The following PIGN variants were observed in gnomAD, a reference collection of about 807,000 sequenced individuals.
The protein encoded by PIGN is GPI ethanolamine phosphate transferase 1.
PIGN carries 117 observed loss-of-function variants against 125.4 expected under a neutral mutation model. That is an observed-to-expected ratio of 0.93 (90% confidence interval 0.80 to 1.09). The LOEUF is 1.09. Ranked by LOEUF, PIGN falls within the 50% of genes least tolerant of loss-of-function variation. The pLI is 0.00. For synonymous variants in PIGN, 392 were observed against 377.8 expected, an observed-to-expected ratio of 1.04 and a Z score of -0.44; for missense variants, 1,075 against 1,094.9, an observed-to-expected ratio of 0.98 and a Z score of 0.26.
At chr18:62,029,310 C>A (rs2030163430) in intron 23 of PIGN, among the ~76,000 whole-genome samples, 1 of 152,176 alleles carries the variant, frequency 6.6e-6, no homozygotes, top group African/African-American at 2.4e-5. Context: ...TCCCACCAGC[C>A]TTTCTCACCA....
chr18:62,112,921 TC>T, intron 16 of PIGN: 1 of 483,194 alleles, frequency 2.1e-6, no homozygotes, highest in East Asian at 3.2e-5. Flanking sequence ...TTTATAGCTT[TC>T]TTAAGTTATA....
chr18:62,113,910 A>G (rs1568189871), intron 15 of PIGN, among the ~76,000 whole-genome samples: 1 of 152,220 alleles, frequency 6.6e-6, no homozygotes, highest in Non-Finnish European at 1.5e-5. Flanking sequence ...AAGAGTCAAA[A>G]TTTCAACATG....
intron 3 of PIGN, among the ~76,000 whole-genome samples, chr18:62,161,631 C>T (rs1352639346): frequency 6.6e-6 from 1 of 151,940 alleles, no homozygotes; most frequent in Admixed American, 6.6e-5. Context: ...GTAATTGGGA[C>T]AAATAAACTA....
At chr18:62,069,906 A>G (rs2032744483) in intron 30 of PIGN, 1 of 152,324 alleles carries the variant, frequency 6.6e-6, no homozygotes. Context: ...TCATAAACAA[A>G]ATACTGTATT....
rs752096223 is a variant in PIGN, at chr18:62,095,868, G to A, written c.2160C>T (p.Thr720=). ...LFSILLSLMS[T]YLLLSTGYEA... ...TATACCCTGTGCTTAGAAGTAGGTA[G>A]GTTGACATCAATGAAAGAAGTATGC... Residue 720 remains threonine, a synonymous_variant, in exon 23 of 31, where the codon ACC becomes ACT. Transcript: ENST00000640252. 7 of 1,608,434 alleles carry A rather than the reference G, an allele frequency of 4.4e-6. No homozygotes were observed. The South Asian group carries it at 5.5e-5, about 13-fold the overall frequency.
intron 21 of PIGN, 40 bp downstream of exon 21, chr18:62,102,754 T>C: frequency 1.1e-6 from 1 of 885,518 alleles, no homozygotes; most frequent in Non-Finnish European, 1.8e-6. Context: ...CATTTCAGTA[T>C]ATCATTAGTA....
chr18:62,088,753 T>C lies in PIGN; in HGVS notation c.2370+3A>G, dbSNP rs1015423823. 1.3e-6 allele frequency: 2 copies of C among 1,527,766 alleles called. No individual in the cohort carries two copies. The highest frequency in any genetic ancestry group is 1.4e-5 in the African/African-American group (1 of 72,888). 94.6% of individuals were successfully genotyped at this position (1,527,766 alleles called of 1,614,324 possible). A position where few individuals can be genotyped will look rare whatever the true frequency, so the allele number is the denominator to read the frequency against. ...TTTAAACCAAAGTCTCCACAAAGGA[T>C]ACAAGGAAAAAGGCCCTACGGATGT... On this transcript the variant is annotated splice_donor_region_variant and intron_variant, in intron 25 of 30. Coordinates refer to ENST00000640252, the MANE Select transcript of PIGN (RefSeq NM_176787.5).
intron 23 of PIGN, among the ~76,000 whole-genome samples, chr18:62,094,664 T>C (rs1316377422): frequency 2.0e-5 from 3 of 152,210 alleles, no homozygotes; most frequent in African/African-American, 7.2e-5. Flanking sequence ...TAACAGATGC[T>C]CATAAATTTC....
chr18:62,138,641 A>G (rs1468059237), intron 13 of PIGN, among the ~76,000 whole-genome samples: 1 of 152,214 alleles, frequency 6.6e-6, no homozygotes, highest in African/African-American at 2.4e-5. Flanking sequence ...TAAATTCTTA[A>G]GGAATCTCAT....
intron 14 of PIGN, among the ~76,000 whole-genome samples, chr18:62,125,823 T>C (rs992491405): frequency 1.3e-5 from 2 of 152,076 alleles, no homozygotes; most frequent in African/African-American, 4.8e-5. Context: ...GATGTTAAAG[T>C]TATAAAACTA....
intron 30 of PIGN, among the ~76,000 whole-genome samples, chr18:62,049,272 C>T (rs1191725949): frequency 2.6e-5 from 4 of 152,038 alleles, no homozygotes; most frequent in African/African-American, 4.8e-5. Context: ...CCTGAGGAAT[C>T]GCCACACTGA....
chr18:62,079,021 C>T (rs1050087431), intron 28 of PIGN, among the ~76,000 whole-genome samples: 1 of 152,184 alleles, frequency 6.6e-6, no homozygotes, highest in African/African-American at 2.4e-5. Context: ...TTTTCTGCCC[C>T]TGCCAACCTG....
chr18:62,181,772 G>T (rs947898704), intron 1 of PIGN, among the ~76,000 whole-genome samples: 2 of 151,966 alleles, frequency 1.3e-5, no homozygotes, highest in African/African-American at 4.8e-5. Context: ...TATCGCCCAG[G>T]CTGGAGTGCA....
chr18:62,075,870 C>T (rs1321018790), intron 28 of PIGN: 2 of 152,164 alleles, frequency 1.3e-5, no homozygotes, highest in Non-Finnish European at 2.9e-5. Context: ...TTTGGTGATG[C>T]CACTATTTGT....
intron 30 of PIGN, among the ~76,000 whole-genome samples, chr18:62,046,418 G>C (rs2030690522): frequency 6.8e-6 from 1 of 146,530 alleles, no homozygotes; most frequent in Non-Finnish European, 1.5e-5. Context: ...CCTCCTGTCA[G>C]ATCAGCGGCA....
chr18:62,139,415 C>T (rs569022119), intron 12 of PIGN, among the ~76,000 whole-genome samples: 1 of 152,266 alleles, frequency 6.6e-6, no homozygotes, highest in South Asian at 2.1e-4. Flanking sequence ...AAATAAAAGA[C>T]TTCAGACATA....
At chr18:62,132,709 T>C (rs1182196985) in intron 14 of PIGN, among the ~76,000 whole-genome samples, 1 of 152,158 alleles carries the variant, frequency 6.6e-6, no homozygotes. Flanking sequence ...AAATTCTGAT[T>C]ATGATGCTAG....
At chr18:62,132,691 A>G (rs1415375793) in intron 14 of PIGN, among the ~76,000 whole-genome samples, 1 of 152,168 alleles carries the variant, frequency 6.6e-6, no homozygotes. Context: ...AAAAAAAATG[A>G]TAAAATAAAA....
intron 14 of PIGN, among the ~76,000 whole-genome samples, chr18:62,119,952 G>C (rs1258254479): frequency 6.6e-6 from 1 of 152,034 alleles, no homozygotes; most frequent in African/African-American, 2.4e-5. Context: ...TATAGAAATA[G>C]AATGCGAGTC....
Sources: allele counts gnomAD v4.1 joint callset (sites outside exome capture counted in the v4.1 genomes callset), GRCh38; gene constraint gnomAD v4.1.1; transcripts MANE v1.5; gene names NCBI Gene and HGNC (gene_info 2026-07-23, HGNC 2026-07-21).